The following NKAIN2 variants were observed in gnomAD, a reference collection of about 807,000 sequenced individuals.
NKAIN2 encodes sodium/potassium-transporting ATPase subunit beta-1-interacting protein 2.
NKAIN2 carries 14 observed loss-of-function variants against 32.6 expected under a neutral mutation model. That is an observed-to-expected ratio of 0.43 (90% CI 0.28 to 0.67). The LOEUF (loss-of-function observed/expected upper bound fraction) is 0.67. Ranked by LOEUF, NKAIN2 falls within the 30% of genes least tolerant of loss-of-function variation. The probability of loss-of-function intolerance (pLI) is 0.17; values close to 1 mark genes in which losing one functional copy is unlikely to be tolerated. For synonymous variants in NKAIN2, 80 were observed against 87.2 expected, an observed-to-expected ratio of 0.92 and a Z score of 0.46; for missense variants, 198 against 258.3, an observed-to-expected ratio of 0.77 and a Z score of 1.60.
chr6:124,716,510 A>G (rs551509432), intron 4 of NKAIN2, among the ~76,000 whole-genome samples: 17 of 152,226 alleles, frequency 1.1e-4, no homozygotes, highest in Non-Finnish European at 2.4e-4. Context: ...CAGCAGCACA[A>G]CAATCAACAT....
At chr6:124,803,019 C>T (rs568102408) in intron 5 of NKAIN2, among the ~76,000 whole-genome samples, 2 of 152,262 alleles carry the variant, frequency 1.3e-5, no homozygotes, top group East Asian at 3.9e-4. Context: ...GGTGGTTGCT[C>T]ATTGCTGGAG....
At chr6:124,333,351 A>G (rs1296279796) in intron 2 of NKAIN2, among the ~76,000 whole-genome samples, 1 of 152,066 alleles carries the variant, frequency 6.6e-6, no homozygotes, top group Admixed American at 6.6e-5. Context: ...TACCACACTT[A>G]AAATAGGGAA....
intron 2 of NKAIN2, among the ~76,000 whole-genome samples, chr6:124,302,782 T>C (rs1311367102): frequency 1.3e-5 from 2 of 152,188 alleles, no homozygotes; most frequent in South Asian, 2.1e-4. Context: ...GAAACATCCA[T>C]GTCTGACTCA....
rs528178957 is a variant in NKAIN2, at chr6:124,802,847, T to C, written c.535+11448T>C. The stretch of plus-strand genomic sequence containing the variant: ...ACCTGAACCTATGTTTTTCTCATGC[T>C]TTGGGTCTTCCTACTCATTATCTAT... On this transcript the variant is annotated intron_variant, in intron 5 of 6. Coordinates refer to ENST00000368417, the MANE Select transcript of NKAIN2 (RefSeq NM_001040214.3). 1.1e-4 allele frequency among the ~76,000 whole-genome samples: 16 copies of C among 152,352 alleles called. No homozygotes were observed. The South Asian group carries it at 1.7e-3, about 16-fold the overall frequency.
At chr6:124,693,129 T>C (rs1275201922) in intron 4 of NKAIN2, among the ~76,000 whole-genome samples, 2 of 152,174 alleles carry the variant, frequency 1.3e-5, no homozygotes, top group African/African-American at 4.8e-5. Context: ...TCTCCTGCCT[T>C]GGGGAGTACA....
intron 1 of NKAIN2, among the ~76,000 whole-genome samples, chr6:124,178,514 GTCTCAA>G (rs1399470876): frequency 6.6e-6 from 1 of 151,998 alleles, no homozygotes; most frequent in East Asian, 1.9e-4. Flanking sequence ...AGCCAGGATG[GTCTCAA>G]TCTCCTGATC....
At chr6:124,726,005 T>A (rs1390762369) in intron 4 of NKAIN2, among the ~76,000 whole-genome samples, 1 of 152,192 alleles carries the variant, frequency 6.6e-6, no homozygotes, top group Non-Finnish European at 1.5e-5. Flanking sequence ...CCGACGGGCT[T>A]AAAAAACGGC....
intron 1 of NKAIN2, among the ~76,000 whole-genome samples, chr6:124,075,069 T>C (rs369302392): frequency 6.6e-6 from 1 of 152,198 alleles, no homozygotes; most frequent in African/African-American, 2.4e-5. Context: ...GTGATAGATA[T>C]TTATTTAAAT....
intron 1 of NKAIN2, among the ~76,000 whole-genome samples, chr6:124,180,348 G>A (rs1390882370): frequency 6.6e-6 from 1 of 152,146 alleles, no homozygotes; most frequent in Non-Finnish European, 1.5e-5. Context: ...CAGCAGACAA[G>A]AGAGTGTGTG....
chr6:123,858,045 A>G (rs938396168), intron 1 of NKAIN2, among the ~76,000 whole-genome samples: 10 of 151,766 alleles, frequency 6.6e-5, no homozygotes, highest in African/African-American at 2.4e-4. Flanking sequence ...AAAACTATCC[A>G]CTCCTGGGAA....
chr6:124,049,978 G>A (rs1782329866), intron 1 of NKAIN2, among the ~76,000 whole-genome samples: 1 of 151,964 alleles, frequency 6.6e-6, no homozygotes, highest in Non-Finnish European at 1.5e-5. Flanking sequence ...AACATATGCC[G>A]AGTTTTCTAA....
chr6:124,292,562 G>A (rs1795867672), intron 2 of NKAIN2, among the ~76,000 whole-genome samples: 1 of 149,246 alleles, frequency 6.7e-6, no homozygotes, highest in African/African-American at 2.5e-5. Context: ...TTGAGACAGA[G>A]TGAGACTCTA....
intron 1 of NKAIN2, among the ~76,000 whole-genome samples, chr6:124,098,104 A>T (rs1367448049): frequency 6.6e-6 from 1 of 152,168 alleles, no homozygotes; most frequent in East Asian, 1.9e-4. Context: ...AAAAGGAGGG[A>T]TGCAATATTT....
chr6:124,287,527 T>C (rs1795610350), intron 2 of NKAIN2, among the ~76,000 whole-genome samples: 1 of 152,192 alleles, frequency 6.6e-6, no homozygotes, highest in Admixed American at 6.5e-5. Flanking sequence ...AGAGCTTCTG[T>C]CACTTTGCAG....
chr6:124,560,266 A>C (rs1050685251), intron 3 of NKAIN2, among the ~76,000 whole-genome samples: 1 of 152,112 alleles, frequency 6.6e-6, no homozygotes, highest in Non-Finnish European at 1.5e-5. Flanking sequence ...TGATGGTTTT[A>C]TAAGGGACTT....
chr6:123,916,642 G>A (rs145018657), intron 1 of NKAIN2, among the ~76,000 whole-genome samples: 21 of 152,180 alleles, frequency 1.4e-4, no homozygotes, highest in African/African-American at 4.6e-4. Flanking sequence ...GGATATGAAG[G>A]TGGGAGATTT....
In NKAIN2 at chr6:123,804,232, T is replaced by A. The variant is rs780271877; in HGVS notation, c.32T>A (p.Ile11Asn). Residue 11 changes from isoleucine (I) to asparagine (N), a missense_variant, in exon 1 of 7, where the codon ATC becomes AAC. Ile to Asn is a moderately radical substitution (Grantham distance 149, BLOSUM62 -3). Transcript: ENST00000368417. The part of the protein sequence containing the change: MGYCSGRCTL[I>N]FICGMQLVCV... ...TATTGCAGTGGCAGGTGCACGCTTA[T>A]CTTTATCTGTGGCATGCAACTGGTA... is the stretch of plus-strand genomic sequence containing the variant. 1 of 1,614,010 alleles carries A rather than the reference T, an allele frequency of 6.2e-7. No homozygotes were observed. Among genetic ancestry groups the A allele is most frequent in the Non-Finnish European group, 8.5e-7 (1 of 1,179,926 alleles).
chr6:124,303,942 A>G (rs950958947), intron 2 of NKAIN2, among the ~76,000 whole-genome samples: 3 of 152,202 alleles, frequency 2.0e-5, no homozygotes, highest in African/African-American at 7.2e-5. Flanking sequence ...GAACTCAAAT[A>G]TTGGGCTTGG....
intron 3 of NKAIN2, among the ~76,000 whole-genome samples, chr6:124,595,839 G>A (rs1267900052): frequency 6.6e-6 from 1 of 152,166 alleles, no homozygotes; most frequent in Non-Finnish European, 1.5e-5. Context: ...GTTCTGCAGA[G>A]CTAATTACAC....
Sources: allele counts gnomAD v4.1 joint callset (sites outside exome capture counted in the v4.1 genomes callset), GRCh38; gene constraint gnomAD v4.1.1; transcripts MANE v1.5; gene names NCBI Gene and HGNC (gene_info 2026-07-23, HGNC 2026-07-21).